Variants in KDM4C observed in about 807,000 individuals in gnomAD.
KDM4C encodes the protein lysine demethylase 4C, also known as lysine-specific demethylase 4C.
Under a neutral mutation model 129.3 loss-of-function variants are expected in KDM4C, and 81 were observed. That is an observed-to-expected ratio of 0.63 (90% CI 0.52 to 0.75). KDM4C has a LOEUF of 0.75. Among genes scored for constraint, KDM4C ranks in the 30% least tolerant of loss-of-function variants. The pLI is 0.00. For missense variants in KDM4C, 1,457 were observed against 1,304.0 expected, an observed-to-expected ratio of 1.12 and a Z score of -1.81; for synonymous variants, 573 against 456.1, an observed-to-expected ratio of 1.26 and a Z score of -3.26.
chr9:6,788,362 CG>C (rs1284405407), intron 1 of KDM4C, among the ~76,000 whole-genome samples: 1 of 152,296 alleles, frequency 6.6e-6, no homozygotes, highest in East Asian at 1.9e-4. Flanking sequence ...GGGAAATGCT[CG>C]GGCCACCCTT....
chr9:6,931,667 A>G (rs896062270), intron 8 of KDM4C, among the ~76,000 whole-genome samples: 1 of 151,966 alleles, frequency 6.6e-6, no homozygotes, highest in African/African-American at 2.4e-5. Flanking sequence ...CACCCAGCTA[A>G]TTTTTGTAGT....
intron 5 of KDM4C, among the ~76,000 whole-genome samples, chr9:6,859,307 C>T (rs1840492345): frequency 6.6e-6 from 1 of 151,734 alleles, no homozygotes; most frequent in Non-Finnish European, 1.5e-5. Context: ...GAAACCCTGT[C>T]TCTGCTAAAA....
chr9:7,130,790 A>G (rs549519727), intron 19 of KDM4C, among the ~76,000 whole-genome samples: 34 of 151,886 alleles, frequency 2.2e-4, no homozygotes, highest in African/African-American at 8.2e-4. Context: ...ACAGGGCCTC[A>G]TTTTGTCGCC....
intron 8 of KDM4C, among the ~76,000 whole-genome samples, chr9:6,911,319 A>G (rs1347593990): frequency 2.6e-5 from 4 of 152,194 alleles, no homozygotes; most frequent in Non-Finnish European, 5.9e-5. Context: ...GAGTTTCCAT[A>G]ATTTGCTAGA....
chr9:7,035,930 G>C (rs768051653), intron 15 of KDM4C, among the ~76,000 whole-genome samples: 1 of 152,114 alleles, frequency 6.6e-6, no homozygotes, highest in Non-Finnish European at 1.5e-5. Context: ...GATGCCTCTA[G>C]CTTTGATATT....
At chr9:6,783,527 A>T (rs1425740852) in intron 1 of KDM4C, among the ~76,000 whole-genome samples, 1 of 152,156 alleles carries the variant, frequency 6.6e-6, no homozygotes, top group Non-Finnish European at 1.5e-5. Flanking sequence ...GCATGGATGA[A>T]ATCTCCCATA....
intron 12 of KDM4C, among the ~76,000 whole-genome samples, chr9:7,000,521 C>G (rs1820538303): frequency 6.6e-6 from 1 of 152,090 alleles, no homozygotes; most frequent in Non-Finnish European, 1.5e-5. Context: ...ATAAATTCAA[C>G]CATAACCTTG....
intron 4 of KDM4C, among the ~76,000 whole-genome samples, chr9:6,847,116 A>G (rs1351586828): frequency 6.6e-6 from 1 of 152,196 alleles, no homozygotes; most frequent in East Asian, 1.9e-4. Flanking sequence ...TAAAACTTAG[A>G]TGTCTCCATA....
intron 17 of KDM4C, among the ~76,000 whole-genome samples, chr9:7,094,182 A>G (rs966314878): frequency 6.6e-6 from 1 of 152,240 alleles, no homozygotes; most frequent in Admixed American, 6.5e-5. Context: ...ACTTGTCCTC[A>G]AAGGAAGTCG....
intron 1 of KDM4C, among the ~76,000 whole-genome samples, chr9:6,733,441 G>A (rs568459986): frequency 6.6e-6 from 1 of 152,330 alleles, no homozygotes; most frequent in South Asian, 2.1e-4. Context: ...GCACATCTCA[G>A]CAAGTGTGAC....
chr9:6,813,763 A>C (rs952528580), intron 3 of KDM4C, among the ~76,000 whole-genome samples: 1 of 152,154 alleles, frequency 6.6e-6, no homozygotes, highest in Admixed American at 6.5e-5. Flanking sequence ...AATTTGGTGT[A>C]CATTTCTTTC....
intron 4 of KDM4C, chr9:6,834,541 C>A (rs531292088): frequency 5.7e-5 from 39 of 683,396 alleles, no homozygotes; most frequent in Non-Finnish European, 9.3e-5. Context: ...GACCCCCGGC[C>A]GTCTTCCCCT....
intron 1 of KDM4C, chr9:6,721,096 G>C: frequency 2.6e-6 from 3 of 1,169,900 alleles, no homozygotes; most frequent in Non-Finnish European, 3.7e-6. Context: ...TATTTTTTTA[G>C]AATCAAGGTC....
At chr9:7,019,974 G>A (rs139878475) in intron 15 of KDM4C, among the ~76,000 whole-genome samples, 56 of 151,828 alleles carry the variant, frequency 3.7e-4, no homozygotes, top group African/African-American at 1.2e-3. Context: ...AAGAGTAGAT[G>A]TCGCTCTAGA....
At chr9:7,127,938 T>A in intron 18 of KDM4C, 128 bp from the exon 19 acceptor site, 1 of 830,494 alleles carries the variant, frequency 1.2e-6, no homozygotes. Flanking sequence ...CAATATTAAG[T>A]TAAAAATTTT....
chr9:6,957,328 A>T (rs775572507), intron 8 of KDM4C, among the ~76,000 whole-genome samples: 1 of 151,728 alleles, frequency 6.6e-6, no homozygotes, highest in Non-Finnish European at 1.5e-5. Flanking sequence ...CCTACCATCT[A>T]TTTTCTTTAC....
intron 1 of KDM4C, among the ~76,000 whole-genome samples, chr9:6,772,172 C>CAG (rs752935251): frequency 9.7e-4 from 147 of 151,876 alleles, no homozygotes; most frequent in Non-Finnish European, 1.6e-3. Context: ...TTTTTTGAGA[C>CAG]AGAGTCTCAC....
chr9:6,857,172 A>C (rs1158200926), intron 5 of KDM4C, among the ~76,000 whole-genome samples: 3 of 152,110 alleles, frequency 2.0e-5, no homozygotes, highest in East Asian at 3.9e-4. Flanking sequence ...GTATGTTTCA[A>C]AGATAGTATT....
At chr9:7,069,342 A>G (rs553658781) in intron 17 of KDM4C, among the ~76,000 whole-genome samples, 130 of 152,296 alleles carry the variant, frequency 8.5e-4, no homozygotes, top group African/African-American at 3.0e-3. Flanking sequence ...AATATTACGC[A>G]TATTTAATTG....
Sources: allele counts gnomAD v4.1 joint callset (sites outside exome capture counted in the v4.1 genomes callset), GRCh38; gene constraint gnomAD v4.1.1; transcripts MANE v1.5; gene names NCBI Gene and HGNC (gene_info 2026-07-23, HGNC 2026-07-21).